The following THADA variants were observed in gnomAD, a reference collection of about 807,000 sequenced individuals.
THADA encodes the protein tRNA (32-2'-O)-methyltransferase regulator THADA.
Under a neutral mutation model 219.8 loss-of-function variants are expected in THADA, and 213 were observed. The ratio of observed to expected loss-of-function variants is 0.97; its 90% CI spans 0.87 to 1.09. The LOEUF (loss-of-function observed/expected upper bound fraction) is 1.09. Among genes scored for constraint, THADA ranks in the 50% least tolerant of loss-of-function variants. The pLI is 0.00. For missense variants in THADA, 2,956 were observed against 2,311.3 expected (o/e 1.28, Z -5.72); for synonymous variants, 1,018 against 828.9 (o/e 1.23, Z -3.92).
intron 19 of THADA, among the ~76,000 whole-genome samples, chr2:43,551,268 T>TA (rs1214238544): frequency 6.6e-6 from 1 of 152,208 alleles, no homozygotes. Flanking sequence ...TTCTGTGTAT[T>TA]AAAAGGAACA....
chr2:43,536,603 G>T (rs552254451), intron 21 of THADA, among the ~76,000 whole-genome samples: 1 of 151,802 alleles, frequency 6.6e-6, no homozygotes, highest in East Asian at 1.9e-4. Flanking sequence ...GGACTCACAG[G>T]GTATAAATTT....
In THADA at chr2:43,556,572, A is replaced by T; in HGVS notation, c.2464-17T>A. On this transcript the variant is annotated splice_polypyrimidine_tract_variant and intron_variant, in intron 16 of 37. Coordinates refer to ENST00000405975, the MANE Select transcript of THADA (RefSeq NM_022065.5). ...CCCCGAATCCTAGAATAAAGCGCAG[A>T]CTCAGTAACTGTCAAATTAAAGATC... 1.3e-6 allele frequency: 2 copies of T among 1,595,628 alleles called. No homozygotes were observed. Among genetic ancestry groups the T allele is most frequent in the Non-Finnish European group, 1.7e-6 (2 of 1,170,668 alleles).
At chr2:43,485,362 T>C in intron 25 of THADA, 37 bp from the exon 26 acceptor site, 2 of 1,485,162 alleles carry the variant, frequency 1.3e-6, no homozygotes, top group East Asian at 4.5e-5. Flanking sequence ...GGCTTAAATA[T>C]TCTTGGCATG....
intron 28 of THADA, among the ~76,000 whole-genome samples, chr2:43,427,171 G>A (rs1377554185): frequency 6.6e-6 from 1 of 152,156 alleles, no homozygotes; most frequent in Non-Finnish European, 1.5e-5. Flanking sequence ...GCCACCCATT[G>A]CACCGGCTCG....
chr2:43,556,550 C>G lies in THADA; in HGVS notation c.2469G>C (p.Ser823=). The G allele has an allele frequency of 6.2e-7, 1 of 1,613,204 alleles. No individual in the cohort carries two copies. Among genetic ancestry groups the G allele is most frequent in the Non-Finnish European group, 8.5e-7 (1 of 1,179,498 alleles). ...CCTGAAATAAGCCTTGCAGTTTCCC[C>G]GAATCCTAGAATAAAGCGCAGACTC... ...LSKTAVHFQD[S]GKLQGLFQAA... The change falls in exon 17 of 38, where the codon TCG becomes TCC. Residue 823 remains serine (S), a synonymous_variant. Transcript: ENST00000405975.
intron 21 of THADA, among the ~76,000 whole-genome samples, chr2:43,535,316 CAGA>C (rs1558927706): frequency 1.3e-5 from 2 of 151,426 alleles, no homozygotes; most frequent in Non-Finnish European, 1.5e-5. Flanking sequence ...CTTTGCTGTG[CAGA>C]AGGTTTTTAG....
At chr2:43,422,426 T>A (rs76368568) in intron 28 of THADA, among the ~76,000 whole-genome samples, 2 of 152,116 alleles carry the variant, frequency 1.3e-5, no homozygotes, top group Non-Finnish European at 2.9e-5. Context: ...CTTCCTAAAA[T>A]GGGGAGCCCA....
intron 25 of THADA, among the ~76,000 whole-genome samples, chr2:43,487,254 C>G (rs1340224366): frequency 1.3e-5 from 2 of 152,078 alleles, no homozygotes; most frequent in Non-Finnish European, 2.9e-5. Flanking sequence ...ATATCTGGGA[C>G]CTTCTCTCCT....
At chr2:43,574,250 ATT>A in intron 11 of THADA, 84 bp downstream of exon 11, 1 of 924,332 alleles carries the variant, frequency 1.1e-6, no homozygotes, top group Non-Finnish European at 1.6e-6. Context: ...TGATATTTAA[ATT>A]TGAATATGAT....
chr2:43,409,173 T>A (rs1449057560), intron 28 of THADA, among the ~76,000 whole-genome samples: 1 of 152,206 alleles, frequency 6.6e-6, no homozygotes, highest in East Asian at 1.9e-4. Context: ...GAAAGAAATT[T>A]GAGTATTTCT....
At chr2:43,492,552 C>A (rs75607314) in intron 25 of THADA, among the ~76,000 whole-genome samples, 12,659 of 151,984 alleles carry the variant, frequency 0.083, 584 homozygotes, top group South Asian at 0.13. Flanking sequence ...CCTTAATAGG[C>A]AGTCAATTTC....
In THADA at chr2:43,258,948, G is replaced by A. The variant is rs554726278; in HGVS notation, c.5296+20817C>T. On this transcript the variant is annotated intron_variant, in intron 36 of 37. Transcript: ENST00000405975. Reference sequence around the variant, plus strand: ...TCACATTGGGACTATGGGTAACTTGGCCTGTGTGAGGCCTCCTGAAGATTC... The same window carrying A: ...TCACATTGGGACTATGGGTAACTTGACCTGTGTGAGGCCTCCTGAAGATTC... Among the ~76,000 whole-genome samples, 4 of 152,292 alleles carry A rather than the reference G, an allele frequency of 2.6e-5. No homozygotes were observed. In the South Asian group the frequency reaches 8.3e-4, roughly 32 times the overall value.
intron 29 of THADA, among the ~76,000 whole-genome samples, chr2:43,345,771 A>G (rs1463898703): frequency 6.6e-6 from 1 of 152,186 alleles, no homozygotes; most frequent in African/African-American, 2.4e-5. Context: ...GATCGCAATT[A>G]ATCAGCAGAC....
Position 43,560,311 on chromosome 2 carries a change from TA to T in THADA, c.2385del (p.Phe795LeufsTer8). The T allele has an allele frequency of 6.2e-7, 1 of 1,612,740 alleles. No homozygotes were observed. Among genetic ancestry groups the T allele is most frequent in the South Asian group, 1.1e-5 (1 of 90,896 alleles). ...VGRFQTLMEC[F>X]TSTFEDVKIL... Reference sequence around the variant, plus strand: ...ATTTTCACGTCTTCAAAAGTGCTGGTAAAACATTCCATTAGTGTTTGGAAAC... The same window carrying T: ...ATTTTCACGTCTTCAAAAGTGCTGGTAAACATTCCATTAGTGTTTGGAAAC... On this transcript the variant is annotated frameshift_variant, in exon 16 of 38. Transcript: ENST00000405975. LOFTEE classifies it high-confidence loss of function.
At chr2:43,436,425 C>G (rs1276309466) in intron 26 of THADA, among the ~76,000 whole-genome samples, 1 of 152,124 alleles carries the variant, frequency 6.6e-6, no homozygotes, top group Non-Finnish European at 1.5e-5. Context: ...TAAATTTAAC[C>G]AACTGCTGGG....
intron 22 of THADA, among the ~76,000 whole-genome samples, chr2:43,511,708 C>T (rs1048336782): frequency 6.6e-6 from 1 of 152,122 alleles, no homozygotes; most frequent in African/African-American, 2.4e-5. Context: ...ACACATATCC[C>T]TATTCATCCA....
At chr2:43,590,030 C>T (rs1221671796) in intron 4 of THADA, among the ~76,000 whole-genome samples, 1 of 151,962 alleles carries the variant, frequency 6.6e-6, no homozygotes, top group Admixed American at 6.6e-5. Flanking sequence ...TAGAATGTAA[C>T]ACACATATGC....
At chr2:43,535,402 C>T (rs1324887883) in intron 21 of THADA, among the ~76,000 whole-genome samples, 1 of 151,256 alleles carries the variant, frequency 6.6e-6, no homozygotes. Context: ...TTTCCCAGGC[C>T]AGGCGGTGGC....
chr2:43,334,949 G>T (rs1171713096), intron 30 of THADA, among the ~76,000 whole-genome samples: 1 of 152,146 alleles, frequency 6.6e-6, no homozygotes, highest in East Asian at 1.9e-4. Flanking sequence ...GATCCCTTCA[G>T]TAGCCTCAGC....
Sources: gnomAD v4.1 joint callset for allele counts (sites outside exome capture counted in the v4.1 genomes callset) on GRCh38, gnomAD v4.1.1 for gene constraint, MANE v1.5 for transcripts, NCBI Gene and HGNC (gene_info 2026-07-23, HGNC 2026-07-21) for gene names.